The following SYNE2 variants were observed in gnomAD, a reference collection of about 807,000 sequenced individuals.
SYNE2 encodes the protein nesprin-2.
SYNE2 carries 431 observed loss-of-function variants against 856.3 expected under a neutral mutation model. The ratio of observed to expected loss-of-function variants is 0.50; its 90% CI spans 0.47 to 0.55. SYNE2 has a LOEUF of 0.55. Ranked by LOEUF, SYNE2 falls within the 20% of genes least tolerant of loss-of-function variation. The pLI is 0.00. For missense variants in SYNE2, 8,129 were observed against 8,023.2 expected, an observed-to-expected ratio of 1.01 and a Z score of -0.50; for synonymous variants, 2,923 against 2,872.3, an observed-to-expected ratio of 1.02 and a Z score of -0.56.
intron 1 of SYNE2, among the ~76,000 whole-genome samples, chr14:63,855,736 T>C (rs1315927310): frequency 6.6e-6 from 1 of 152,224 alleles, no homozygotes; most frequent in Admixed American, 6.6e-5. Context: ...ATGTTGCTTG[T>C]TTATTGTCTG....
At chr14:64,088,484 CGTG>C (rs1352029863) in intron 58 of SYNE2, among the ~76,000 whole-genome samples, 1 of 152,052 alleles carries the variant, frequency 6.6e-6, no homozygotes, top group Non-Finnish European at 1.5e-5. Context: ...TCTGGCTGGG[CGTG>C]GTGCCCAGCA....
At chr14:64,159,770 G>A (rs766528894) in intron 87 of SYNE2, among the ~76,000 whole-genome samples, 37 of 152,134 alleles carry the variant, frequency 2.4e-4, no homozygotes, top group Non-Finnish European at 8.8e-5. Flanking sequence ...CAAAGGAGTG[G>A]GCCAGATGGG....
At chr14:63,833,077 C>T (rs1889727762) in intron 1 of SYNE2, among the ~76,000 whole-genome samples, 1 of 151,386 alleles carries the variant, frequency 6.6e-6, no homozygotes, top group Non-Finnish European at 1.5e-5. Flanking sequence ...GGTGCAGTAG[C>T]TCACACCTGT....
intron 45 of SYNE2, among the ~76,000 whole-genome samples, chr14:64,040,333 G>T (rs547522290): frequency 6.6e-5 from 10 of 151,888 alleles, no homozygotes; most frequent in African/African-American, 2.2e-4. Flanking sequence ...TGTTTAAAAT[G>T]ATTAGTAATT....
chr14:63,820,442 A>G (rs192872998), intron 1 of SYNE2, among the ~76,000 whole-genome samples: 1 of 152,360 alleles, frequency 6.6e-6, no homozygotes, highest in East Asian at 1.9e-4. Context: ...ACCTAAAACT[A>G]TAAACATTTA....
At chr14:63,882,894 A>G (rs2094897749) in intron 1 of SYNE2, among the ~76,000 whole-genome samples, 1 of 152,092 alleles carries the variant, frequency 6.6e-6, no homozygotes, top group African/African-American at 2.4e-5. Context: ...GGTTTCATCT[A>G]TAAATTGTTG....
Position 63,941,930 on chromosome 14 carries a change from G to T in SYNE2, c.283G>T (p.Glu95Ter). 1.9e-6 allele frequency: 3 copies of T among 1,613,150 alleles called. No homozygotes were observed. Among genetic ancestry groups the T allele is most frequent in the Non-Finnish European group, 2.5e-6 (3 of 1,179,924 alleles). Residue 95 changes from glutamate (E) to a stop codon, truncating the protein, a stop_gained, in exon 5 of 116, where the codon GAA becomes TAA. Coordinates refer to ENST00000555002, the MANE Select transcript of SYNE2 (RefSeq NM_182914.3). LOFTEE classifies it high-confidence loss of function. The stretch of plus-strand genomic sequence containing the variant: ...TACCTTCCAGTGTAGAATCAATATA[G>T]AACATGCCTTGACATTCCTAAGAAA... ...SNTFQCRINI[E>*]HALTFLRNRS...
rs768215064 is a variant in SYNE2 at position 64,080,524 on chromosome 14, T to C, written c.11232T>C (p.Ile3744=). 1 of 1,614,182 alleles carries C rather than the reference T, an allele frequency of 6.2e-7. No individual in the cohort carries two copies. The highest frequency in any genetic ancestry group is 1.7e-5 in the Admixed American group (1 of 60,026). Residue 3744 remains isoleucine, a synonymous_variant, in exon 56 of 116, where the codon ATT becomes ATC. Coordinates refer to ENST00000555002, the MANE Select transcript of SYNE2 (RefSeq NM_182914.3). The part of the protein sequence containing the change: ...LNELDSEVQD[I]VEQDPGQAQE... ...AGCTGGATTCTGAAGTTCAGGACAT[T>C]GTTGAACAGGACCCAGGACAGGCTC...
intron 97 of SYNE2, among the ~76,000 whole-genome samples, chr14:64,187,359 G>T (rs1180558594): frequency 6.6e-6 from 1 of 152,088 alleles, no homozygotes; most frequent in Non-Finnish European, 1.5e-5. Context: ...AATTTTAAAT[G>T]TTCTTTTAGA....
At chr14:64,200,999 A>G (rs1415453240) in intron 99 of SYNE2, among the ~76,000 whole-genome samples, 1 of 152,246 alleles carries the variant, frequency 6.6e-6, no homozygotes, top group Non-Finnish European at 1.5e-5. Flanking sequence ...GCGTGATTGT[A>G]GCATCATGTG....
At chr14:64,055,659 G>A (rs114722618) in intron 48 of SYNE2, among the ~76,000 whole-genome samples, 1,923 of 152,096 alleles carry the variant, frequency 0.013, 47 homozygotes, top group African/African-American at 0.043. Context: ...GAGCCACCAC[G>A]CCGGGCCTGG....
intron 88 of SYNE2, 74 bp downstream of exon 88, chr14:64,162,350 G>A (rs1211000099): frequency 6.8e-7 from 1 of 1,479,594 alleles, no homozygotes; most frequent in Non-Finnish European, 9.4e-7. Context: ...GCCATGACCT[G>A]GGGACCAGAC....
At chr14:64,128,685 A>G in intron 74 of SYNE2, 132 bp downstream of exon 74, 1 of 679,166 alleles carries the variant, frequency 1.5e-6, no homozygotes, top group East Asian at 2.7e-5. Flanking sequence ...AATGAGAACT[A>G]TTTATGTTGA....
At position 64,225,397 on chromosome 14, in the gene SYNE2, C is replaced by CCTG. The variant is rs751900744; in HGVS notation, c.20607_20609dup (p.Leu6871dup). On this transcript the variant is annotated inframe_insertion, in exon 116 of 116. Coordinates refer to ENST00000555002, the MANE Select transcript of SYNE2 (RefSeq NM_182914.3). ...CAGCCCTACCCCTGCAGCTGCTCCTCCTGCTGCTGCTGCTCCTGGCCTGCC... is the reference window on the plus strand; with the variant it reads ...CAGCCCTACCCCTGCAGCTGCTCCTCCTGCTGCTGCTGCTGCTCCTGGCCTGCC... The CCTG allele has an allele frequency of 1.4e-5, 22 of 1,613,930 alleles. 1 individual carries two copies. The highest frequency in any genetic ancestry group is 3.3e-5 in the South Asian group (3 of 91,086).
intron 1 of SYNE2, among the ~76,000 whole-genome samples, chr14:63,768,685 T>G (rs533460229): frequency 8.5e-5 from 13 of 152,122 alleles, no homozygotes; most frequent in Non-Finnish European, 1.5e-4. Flanking sequence ...GTCCGTATTG[T>G]AGGATTAGCC....
At chr14:64,014,564 C>A (rs1342802565) in intron 32 of SYNE2, among the ~76,000 whole-genome samples, 3 of 151,906 alleles carry the variant, frequency 2.0e-5, no homozygotes, top group Non-Finnish European at 4.4e-5. Flanking sequence ...GTAGCTGGGA[C>A]TACAGGTGCA....
At chr14:63,981,503 G>C (rs1376208264) in intron 16 of SYNE2, among the ~76,000 whole-genome samples, 3 of 152,132 alleles carry the variant, frequency 2.0e-5, no homozygotes, top group Non-Finnish European at 4.4e-5. Flanking sequence ...AAGACTTAAT[G>C]TACTGGCTAG....
At position 63,816,846 on chromosome 14, in the gene SYNE2, A is replaced by T. The variant is rs184787887; in HGVS notation, c.-304-35655A>T. On this transcript the variant is annotated intron_variant, in intron 1 of 23. Coordinates refer to the SYNE2 transcript ENST00000674003. ...ATCCTCGTGTCTCAGCGTCCTGGGT[A>T]GCTGAGACCACAAGTGACTCATTAC... 8.5e-5 allele frequency among the ~76,000 whole-genome samples: 13 copies of T among 152,204 alleles called. No individual in the cohort carries two copies. In the East Asian group the frequency reaches 2.5e-3, roughly 29 times the overall value.
intron 45 of SYNE2, among the ~76,000 whole-genome samples, chr14:64,044,414 A>G (rs1011564181): frequency 6.6e-6 from 1 of 152,156 alleles, no homozygotes; most frequent in African/African-American, 2.4e-5. Context: ...CTCATAGGCA[A>G]AGGGACTTGC....
Sources: gnomAD v4.1 joint callset for allele counts (sites outside exome capture counted in the v4.1 genomes callset) on GRCh38, gnomAD v4.1.1 for gene constraint, MANE v1.5 for transcripts, NCBI Gene and HGNC (gene_info 2026-07-23, HGNC 2026-07-21) for gene names.